The following NXPH3 variants were observed in gnomAD, a reference collection of about 807,000 sequenced individuals.
NXPH3 encodes the protein neurexophilin-3.
Under a neutral mutation model 18.8 loss-of-function variants are expected in NXPH3, and 7 were observed. That is an observed-to-expected ratio of 0.37 (90% CI 0.21 to 0.70). NXPH3 has a LOEUF of 0.70. Among genes scored for constraint, NXPH3 ranks in the 30% least tolerant of loss-of-function variants. The probability of loss-of-function intolerance (pLI) is 0.53; values close to 1 mark genes in which losing one functional copy is unlikely to be tolerated. For missense variants in NXPH3, 282 were observed against 338.1 expected, an observed-to-expected ratio of 0.83 and a Z score of 1.30; for synonymous variants, 101 against 137.3, an observed-to-expected ratio of 0.74 and a Z score of 1.85.
In NXPH3 at chr17:49,581,828, C is replaced by T; in HGVS notation, c.*2528C>T. 1.4e-6 allele frequency: 1 copy of T among 701,088 alleles called. No homozygotes were observed. The highest frequency in any genetic ancestry group is 2.6e-6 in the Non-Finnish European group (1 of 384,220). 43.4% of individuals were successfully genotyped at this position (701,088 alleles called of 1,614,324 possible). On this transcript the variant is annotated 3_prime_UTR_variant, in exon 2 of 2. Coordinates refer to ENST00000328741, the MANE Select transcript of NXPH3 (RefSeq NM_007225.4). ...GGGCACTTTGACCCCCCTCCTGCTCCTCTCCTCCTGTGGAGAGCCAGATGC... is the reference window on the plus strand; with the variant it reads ...GGGCACTTTGACCCCCCTCCTGCTCTTCTCCTCCTGTGGAGAGCCAGATGC...
intron 1 of NXPH3, 130 bp downstream of exon 1, chr17:49,576,403 G>A: frequency 1.9e-6 from 2 of 1,064,010 alleles, no homozygotes; most frequent in Non-Finnish European, 2.8e-6. Context: ...GAAGACTGGA[G>A]GCTGGGGGAG....
rs981695474 is a variant in NXPH3 at position 49,580,232 on chromosome 17, T to G, written c.*932T>G. ...CGGGGCCGGGCCGCAGAGCATGTGC[T>G]GGATCTGTTCTGTGTGTCTGTCTGT... On this transcript the variant is annotated 3_prime_UTR_variant, in exon 2 of 2. Coordinates refer to ENST00000328741, the MANE Select transcript of NXPH3 (RefSeq NM_007225.4). 6 of 134,126 alleles carry G rather than the reference T, an allele frequency of 4.5e-5. No homozygotes were observed. The highest frequency in any genetic ancestry group is 1.7e-4 in the African/African-American group (6 of 36,076). 8.3% of individuals were successfully genotyped at this position (134,126 alleles called of 1,614,324 possible).
In NXPH3 at chr17:49,576,272, T is replaced by C; in HGVS notation, c.53T>C (p.Leu18Pro). 6.4e-7 allele frequency: 1 copy of C among 1,565,632 alleles called. No individual in the cohort carries two copies. Among genetic ancestry groups the C allele is most frequent in the Non-Finnish European group, 8.7e-7 (1 of 1,155,862 alleles). ...FVFLVQGSLY[L>P]VICGQDDGPP... The stretch of plus-strand genomic sequence containing the variant: ...TTCCTGGTGCAGGGTAGCCTCTATC[T>C]GGTGAGTGGTCCGAGGGGAGCTGCG... Residue 18 changes from leucine (L) to proline (P), a missense_variant and splice_region_variant, in exon 1 of 2, where the codon CTG becomes CCG. By Grantham distance (98) the Leu-to-Pro change is moderately conservative. Transcript: ENST00000328741.
At chr17:49,577,925 A>G (rs982037858) in intron 1 of NXPH3, 18 of 152,228 alleles carry the variant, frequency 1.2e-4, no homozygotes, top group African/African-American at 3.6e-4. Flanking sequence ...TGAGAATTAC[A>G]CTGTGTTCTG....
At position 49,578,990 on chromosome 17, in the gene NXPH3, C is replaced by T. The variant is rs1214834027; in HGVS notation, c.449C>T (p.Pro150Leu). 9.3e-6 allele frequency: 15 copies of T among 1,614,076 alleles called. No individual in the cohort carries two copies. Among genetic ancestry groups the T allele is most frequent in the African/African-American group, 5.3e-5 (4 of 74,920 alleles). The stretch of plus-strand genomic sequence containing the variant: ...GGAAACATCTCCATCAGCCTCGTGC[C>T]CCCCAGTAAAGCTGTAGAGTTCCAC... ...GQGNISISLV[P>L]PSKAVEFHQE... The change falls in exon 2 of 2, where the codon CCC (proline) becomes CTC (leucine). Residue 150 changes from proline to leucine, a missense_variant. By Grantham distance (98) the Pro-to-Leu change is moderately conservative. Transcript: ENST00000328741. The surrounding 1 kb of genome is among the most constrained non-coding windows in gnomAD (Gnocchi z 4.5).
Position 49,581,466 on chromosome 17 carries a change from T to C in NXPH3, c.*2166T>C. 1.6e-6 allele frequency: 1 copy of C among 614,414 alleles called. No homozygotes were observed. Among genetic ancestry groups the C allele is most frequent in the Non-Finnish European group, 2.9e-6 (1 of 341,788 alleles). 38.1% of individuals were successfully genotyped at this position (614,414 alleles called of 1,614,324 possible). A position where few individuals can be genotyped will look rare whatever the true frequency, so the allele number is the denominator to read the frequency against. ...CGCTCCGCGCAAACTGGTCCCCTCA[T>C]ACTGCAGCGCAGAGTTGGGTGGGGC... On this transcript the variant is annotated 3_prime_UTR_variant, in exon 2 of 2. Coordinates refer to ENST00000328741, the MANE Select transcript of NXPH3 (RefSeq NM_007225.4).
chr17:49,578,721 G>A lies in NXPH3; in HGVS notation c.180G>A (p.Met60Ile). The change falls in exon 2 of 2, where the codon ATG becomes ATA. Residue 60 changes from methionine (M) to isoleucine (I), a missense_variant. Coordinates refer to ENST00000328741, the MANE Select transcript of NXPH3 (RefSeq NM_007225.4). This position sits in a 1 kb window ranked among gnomAD's most constrained non-coding sequence, Gnocchi z 4.5. Reference protein sequence around the residue: ...RGHISPKSRPMANSTLLGLLA... With the variant: ...RGHISPKSRPIANSTLLGLLA... ...ACATCTCACCTAAGTCCCGCCCCAT[G>A]GCCAATTCCACTCTCCTAGGGCTGC... The A allele has an allele frequency of 6.2e-7, 1 of 1,613,416 alleles. No homozygotes were observed. Among genetic ancestry groups the A allele is most frequent in the Non-Finnish European group, 8.5e-7 (1 of 1,179,998 alleles).
rs1310857094 is a variant in NXPH3, at chr17:49,581,707, TGCTGTGGAGACTGCAGGAAGGAGGAGGAA to T, written c.*2410_*2438del. 1.4e-6 allele frequency: 1 copy of T among 702,408 alleles called. No individual in the cohort carries two copies. The highest frequency in any genetic ancestry group is 2.6e-6 in the Non-Finnish European group (1 of 384,980). 43.5% of individuals were successfully genotyped at this position (702,408 alleles called of 1,614,324 possible). A position where few individuals can be genotyped will look rare whatever the true frequency, so the allele number is the denominator to read the frequency against. On this transcript the variant is annotated 3_prime_UTR_variant, in exon 2 of 2. Transcript: ENST00000328741. Reference sequence around the variant, plus strand: ...CCGTGTGCCGTTCAGCCTCCCACAGTGCTGTGGAGACTGCAGGAAGGAGGAGGAAGCAATGGGGCCAGAGGCCCTGGGCG... The same window carrying T: ...CCGTGTGCCGTTCAGCCTCCCACAGTGCAATGGGGCCAGAGGCCCTGGGCG...
At chr17:49,576,753 G>T (rs1488874109) in intron 1 of NXPH3, among the ~76,000 whole-genome samples, 2 of 58,496 alleles carry the variant, frequency 3.4e-5, no homozygotes, top group Non-Finnish European at 6.7e-5. Flanking sequence ...CTTCCCTCCC[G>T]CTCCCTCCCT....
In NXPH3 at chr17:49,578,810, C is replaced by T. The variant is rs757754762; in HGVS notation, c.269C>T (p.Pro90Leu). The T allele has an allele frequency of 2.5e-6, 4 of 1,613,894 alleles. No individual in the cohort carries two copies. Among genetic ancestry groups the T allele is most frequent in the Non-Finnish European group, 1.7e-6 (2 of 1,179,984 alleles). The stretch of plus-strand genomic sequence containing the variant: ...CCCCCCAACCGCCCGAACCACAGCC[C>T]CCCACCCTCAGCCAAGGTGAAGAAA... ...GQPPNRPNHS[P>L]PPSAKVKKIF... The change falls in exon 2 of 2, where the codon CCC becomes CTC. Residue 90 changes from proline (P) to leucine (L), a missense_variant. By Grantham distance (98) the Pro-to-Leu change is moderately conservative. Coordinates refer to ENST00000328741, the MANE Select transcript of NXPH3 (RefSeq NM_007225.4). The surrounding 1 kb of genome is among the most constrained non-coding windows in gnomAD (Gnocchi z 4.5).
rs1397332847 is a variant in NXPH3 at position 49,579,771 on chromosome 17, C to A, written c.*471C>A. 2 of 169,340 alleles carry A rather than the reference C, an allele frequency of 1.2e-5. No individual in the cohort carries two copies. Among genetic ancestry groups the A allele is most frequent in the Non-Finnish European group, 2.6e-5 (2 of 77,852 alleles). 10.5% of individuals were successfully genotyped at this position (169,340 alleles called of 1,614,324 possible). A position where few individuals can be genotyped will look rare whatever the true frequency, so the allele number is the denominator to read the frequency against. On this transcript the variant is annotated 3_prime_UTR_variant, in exon 2 of 2. Transcript: ENST00000328741. The surrounding 1 kb of genome is among the most constrained non-coding windows in gnomAD (Gnocchi z 6.0). The stretch of plus-strand genomic sequence containing the variant: ...CTGAGAGGGCTTCCTAGGAGCCAGT[C>A]AGCAGGGTGGGGTGGGGCCAGAGGA...
Position 49,579,571 on chromosome 17 carries a change from G to C in NXPH3, c.*271G>C, listed in dbSNP as rs754786642. On this transcript the variant is annotated 3_prime_UTR_variant, in exon 2 of 2. Coordinates refer to ENST00000328741, the MANE Select transcript of NXPH3 (RefSeq NM_007225.4). This position sits in a 1 kb window ranked among gnomAD's most constrained non-coding sequence, Gnocchi z 6.0. The stretch of plus-strand genomic sequence containing the variant: ...GTGCAGCCTCACAGGGCTTTGCCAC[G>C]GAGCCACAGAGAGATGCTGGGTCCC... The C allele has an allele frequency of 2.1e-6, 1 of 483,432 alleles. No individual in the cohort carries two copies. The highest frequency in any genetic ancestry group is 3.7e-6 in the Non-Finnish European group (1 of 269,226). The allele number at this position is 483,432 out of a possible 1,614,324, so 29.9% of individuals were successfully genotyped here.
chr17:49,577,087 G>A (rs2071575316), intron 1 of NXPH3, among the ~76,000 whole-genome samples: 2 of 152,084 alleles, frequency 1.3e-5, no homozygotes, highest in Admixed American at 1.3e-4. Context: ...TGTGGGAAGA[G>A]CCCTTCCCTT....
rs763405667 is a variant in NXPH3, at chr17:49,579,161, C to T, written c.620C>T (p.Ser207Leu). 2.5e-6 allele frequency: 4 copies of T among 1,613,532 alleles called. No homozygotes were observed. The highest frequency in any genetic ancestry group is 3.4e-6 in the Non-Finnish European group (4 of 1,180,042). ...TGCTCCCGAGACCACGCTCAGAGCT[C>T]AGCCACCTGGAGCTGCTCCCAGCCC... Reference protein sequence around the residue: ...KICSRDHAQSSATWSCSQPFK... With the variant: ...KICSRDHAQSLATWSCSQPFK... The change falls in exon 2 of 2, where the codon TCA becomes TTA. Residue 207 changes from serine (S) to leucine (L), a missense_variant. Ser to Leu is a moderately radical substitution (Grantham distance 145). Transcript: ENST00000328741. The surrounding 1 kb of genome is among the most constrained non-coding windows in gnomAD (Gnocchi z 6.0).
Position 49,576,077 on chromosome 17 carries a change from C to T in NXPH3, c.-143C>T. The T allele has an allele frequency of 1.0e-6, 1 of 975,226 alleles. No individual in the cohort carries two copies. The highest frequency in any genetic ancestry group is 1.5e-5 in the South Asian group (1 of 66,266). 60.4% of individuals were successfully genotyped at this position (975,226 alleles called of 1,614,324 possible). A position where few individuals can be genotyped will look rare whatever the true frequency, so the allele number is the denominator to read the frequency against. ...TGGACCGAAGGGGGCGGGGTCGGCC[C>T]TGGGCGACCCGCTGAGGGGAGGGCC... On this transcript the variant is annotated 5_prime_UTR_variant, in exon 1 of 2. Coordinates refer to ENST00000328741, the MANE Select transcript of NXPH3 (RefSeq NM_007225.4).
chr17:49,581,825 C>T lies in NXPH3; in HGVS notation c.*2525C>T, dbSNP rs2071602219. On this transcript the variant is annotated 3_prime_UTR_variant, in exon 2 of 2. Transcript: ENST00000328741. ...TGGGGGCACTTTGACCCCCCTCCTG[C>T]TCCTCTCCTCCTGTGGAGAGCCAGA... 1 of 701,056 alleles carries T rather than the reference C, an allele frequency of 1.4e-6. No homozygotes were observed. Among genetic ancestry groups the T allele is most frequent in the Non-Finnish European group, 2.6e-6 (1 of 384,194 alleles). The allele number at this position is 701,056 out of a possible 1,614,324, so 43.4% of individuals were successfully genotyped here.
In NXPH3 at chr17:49,579,270, T is replaced by G. The variant is rs938974396; in HGVS notation, c.729T>G (p.His243Gln). 2 of 1,599,290 alleles carry G rather than the reference T, an allele frequency of 1.3e-6. No homozygotes were observed. Among genetic ancestry groups the G allele is most frequent in the African/African-American group, 1.3e-5 (1 of 74,850 alleles). ...VQKVCPDYNY[H>Q]SDTPYYPSG ...AGGTGTGCCCAGATTACAACTACCA[T>G]AGTGATACCCCCTACTACCCATCTG... Residue 243 changes from histidine to glutamine, a missense_variant, in exon 2 of 2, where the codon CAT becomes CAG. Physicochemically the swap from His to Gln is conservative, Grantham distance 24. Coordinates refer to ENST00000328741, the MANE Select transcript of NXPH3 (RefSeq NM_007225.4). The surrounding 1 kb of genome is among the most constrained non-coding windows in gnomAD (Gnocchi z 6.0).
Position 49,579,321 on chromosome 17 carries a change from C to T in NXPH3, c.*21C>T, listed in dbSNP as rs758259044. 1 of 1,578,918 alleles carries T rather than the reference C, an allele frequency of 6.3e-7. No homozygotes were observed. The highest frequency in any genetic ancestry group is 8.6e-7 in the Non-Finnish European group (1 of 1,165,058). On this transcript the variant is annotated 3_prime_UTR_variant, in exon 2 of 2. Transcript: ENST00000328741. This position sits in a 1 kb window ranked among gnomAD's most constrained non-coding sequence, Gnocchi z 6.0. ...GGTGACCCGGGGCAGGCCACAGAGGCCAGGCCAGGGCTGGAAGGACAGGCC... is the reference window on the plus strand; with the variant it reads ...GGTGACCCGGGGCAGGCCACAGAGGTCAGGCCAGGGCTGGAAGGACAGGCC...
In NXPH3 at chr17:49,578,794, C is replaced by T. The variant is rs535231491; in HGVS notation, c.253C>T (p.Arg85Cys). Residue 85 changes from arginine (R) to cysteine (C), a missense_variant, in exon 2 of 2, where the codon CGC becomes TGC. By Grantham distance (180) the Arg-to-Cys change is radical. Transcript: ENST00000328741. This position sits in a 1 kb window ranked among gnomAD's most constrained non-coding sequence, Gnocchi z 4.5. ...AWGILGQPPN[R>C]PNHSPPPSAK... ...GGGCATTCTTGGGCAGCCCCCCAAC[C>T]GCCCGAACCACAGCCCCCCACCCTC... The T allele has an allele frequency of 1.1e-5, 18 of 1,613,896 alleles. No homozygotes were observed. Among genetic ancestry groups the T allele is most frequent in the Non-Finnish European group, 1.4e-5 (16 of 1,179,940 alleles).
Sources: allele counts gnomAD v4.1 joint callset (sites outside exome capture counted in the v4.1 genomes callset), GRCh38; gene constraint gnomAD v4.1.1; non-coding constraint Gnocchi (gnomAD v3.1); transcripts MANE v1.5; gene names NCBI Gene and HGNC (gene_info 2026-07-23, HGNC 2026-07-21).